ADGRV1: variants seen among roughly 807,000 people sequenced by gnomAD.
The protein encoded by ADGRV1 is G-protein coupled receptor 98.
A neutral mutation model predicts 596.2 loss-of-function variants in ADGRV1; 359 were observed. The ratio of observed to expected loss-of-function variants is 0.60; its 90% CI spans 0.55 to 0.66. ADGRV1 has a LOEUF of 0.66. ADGRV1 is among the 30% of genes least tolerant of loss of function. ADGRV1 has a pLI of 0.00. For synonymous variants in ADGRV1, 2,681 were observed against 2,679.2 expected, an observed-to-expected ratio of 1.00 and a Z score of -0.02; for missense variants, 7,274 against 7,575.6, an observed-to-expected ratio of 0.96 and a Z score of 1.48.
chr5:90,622,624 A>C lies in ADGRV1; in HGVS notation c.481A>C (p.Lys161Gln). 1 of 1,490,164 alleles carries C rather than the reference A, an allele frequency of 6.7e-7. No individual in the cohort carries two copies. The highest frequency in any genetic ancestry group is 8.9e-7 in the Non-Finnish European group (1 of 1,118,220). The allele number at this position is 1,490,164 out of a possible 1,614,324, so 92.3% of individuals were successfully genotyped here. A position where few individuals can be genotyped will look rare whatever the true frequency, so the allele number is the denominator to read the frequency against. Residue 161 changes from lysine (K) to glutamine (Q), a missense_variant, in exon 5 of 90, where the codon AAG (lysine) becomes CAG (glutamine). Physicochemically the swap from Lys to Gln is moderately conservative, Grantham distance 53. Coordinates refer to ENST00000405460, the MANE Select transcript of ADGRV1 (RefSeq NM_032119.4). ...MLPSIAVSEPKGRNESMPLTL... is the reference protein window; with the variant it reads ...MLPSIAVSEPQGRNESMPLTL... The stretch of plus-strand genomic sequence containing the variant: ...TCCCTCAATCGCAGTGAGTGAGCCC[A>C]AGGGCAGAAATGAGTCTATGCCTCT...
chr5:90,686,353 A>C (rs1745643838), intron 29 of ADGRV1, among the ~76,000 whole-genome samples: 1 of 152,042 alleles, frequency 6.6e-6, no homozygotes, highest in Admixed American at 6.6e-5. Flanking sequence ...TCCTAAAGCT[A>C]TCCCTCCCCG....
intron 21 of ADGRV1, among the ~76,000 whole-genome samples, chr5:90,667,611 G>C (rs6884466): frequency 0.72 from 107,367 of 148,456 alleles, 39,643 homozygotes; most frequent in African/African-American, 0.86. Flanking sequence ...TCTCTCAGCT[G>C]GTGAAAGTCA....
chr5:91,144,775 TATATTGTA>T, intron 87 of ADGRV1, among the ~76,000 whole-genome samples: 1 of 152,356 alleles, frequency 6.6e-6, no homozygotes, highest in African/African-American at 2.4e-5. Context: ...GTTAAGCTGT[TATATTGTA>T]AGGTATTGTT....
intron 84 of ADGRV1, among the ~76,000 whole-genome samples, chr5:90,975,499 C>T (rs186051068): frequency 3.0e-4 from 45 of 152,278 alleles, no homozygotes; most frequent in South Asian, 2.7e-3. Context: ...GGCACATATA[C>T]ACCATGGAAT....
intron 87 of ADGRV1, among the ~76,000 whole-genome samples, chr5:91,116,454 G>T (rs1161130838): frequency 1.3e-5 from 2 of 152,168 alleles, no homozygotes; most frequent in Non-Finnish European, 2.9e-5. Flanking sequence ...AACATTAACT[G>T]CCTTTCTCTT....
Position 90,705,489 on chromosome 5 carries a change from T to C in ADGRV1, c.8476T>C (p.Leu2826=), listed in dbSNP as rs1409588587. Residue 2826 remains leucine (L), a synonymous_variant, in exon 37 of 90, where the codon TTA becomes CTA. Coordinates refer to ENST00000405460, the MANE Select transcript of ADGRV1 (RefSeq NM_032119.4). ...AGCCAGTGATGAACCACATGGAGTT[T>C]TAAATTTTGCTCTTTCATCAAGATT... is the stretch of plus-strand genomic sequence containing the variant. ...VEASDEPHGV[L]NFALSSRFVL... is the part of the protein sequence containing the mutation. 6.2e-7 allele frequency: 1 copy of C among 1,613,932 alleles called. No individual in the cohort carries two copies. Among genetic ancestry groups the C allele is most frequent in the East Asian group, 2.2e-5 (1 of 44,872 alleles).
At chr5:91,095,747 G>A (rs1192522690) in intron 86 of ADGRV1, among the ~76,000 whole-genome samples, 1 of 151,802 alleles carries the variant, frequency 6.6e-6, no homozygotes, top group African/African-American at 2.4e-5. Context: ...AAAATAATGT[G>A]TGCCTACTGT....
intron 1 of ADGRV1, among the ~76,000 whole-genome samples, chr5:90,565,492 T>C (rs1755526550): frequency 1.3e-5 from 2 of 152,240 alleles, no homozygotes; most frequent in Non-Finnish European, 2.9e-5. Flanking sequence ...GATTCATCCA[T>C]GTTGTACCAT....
In ADGRV1 at chr5:90,621,874, A is replaced by G. The variant is rs1764123710; in HGVS notation, c.454-723A>G. Among the ~76,000 whole-genome samples the G allele has an allele frequency of 1.3e-5, 2 of 152,184 alleles. 1 individual carries two copies. The highest frequency in any genetic ancestry group is 1.3e-4 in the Admixed American group (2 of 15,266). On this transcript the variant is annotated intron_variant, in intron 4 of 89. Coordinates refer to ENST00000405460, the MANE Select transcript of ADGRV1 (RefSeq NM_032119.4). ...GCAACATTTACTGTGCCCTCAGTATATGTCAGGTACTAGGATAAGCACTTG... is the reference window on the plus strand; with the variant it reads ...GCAACATTTACTGTGCCCTCAGTATGTGTCAGGTACTAGGATAAGCACTTG...
At chr5:90,876,597 A>G (rs911096247) in intron 83 of ADGRV1, among the ~76,000 whole-genome samples, 2 of 152,166 alleles carry the variant, frequency 1.3e-5, no homozygotes, top group Non-Finnish European at 2.9e-5. Flanking sequence ...CACTTGAGCA[A>G]CCTTTCACTC....
At chr5:91,097,968 T>C (rs1470551731) in intron 86 of ADGRV1, among the ~76,000 whole-genome samples, 4 of 152,214 alleles carry the variant, frequency 2.6e-5, no homozygotes, top group East Asian at 1.9e-4. Context: ...CACAGTCTTA[T>C]ATAGATACTC....
chr5:91,104,046 G>A (rs993098100), intron 87 of ADGRV1, among the ~76,000 whole-genome samples: 2 of 152,172 alleles, frequency 1.3e-5, no homozygotes, highest in Non-Finnish European at 1.5e-5. Flanking sequence ...GGAAGCCATC[G>A]AAGTTGTGAT....
At chr5:91,061,716 T>C (rs944650048) in intron 85 of ADGRV1, among the ~76,000 whole-genome samples, 1 of 152,226 alleles carries the variant, frequency 6.6e-6, no homozygotes, top group African/African-American at 2.4e-5. Flanking sequence ...ATGAGCCCAA[T>C]TCTTGTTCCT....
intron 74 of ADGRV1, among the ~76,000 whole-genome samples, chr5:90,814,880 G>A (rs1463296197): frequency 3.3e-5 from 5 of 152,174 alleles, no homozygotes; most frequent in Admixed American, 3.3e-4. Flanking sequence ...AAAGCAGTCA[G>A]AACTATGCAG....
At chr5:91,088,965 CT>C (rs1440823361) in intron 86 of ADGRV1, among the ~76,000 whole-genome samples, 1 of 151,768 alleles carries the variant, frequency 6.6e-6, no homozygotes, top group African/African-American at 2.4e-5. Flanking sequence ...CAGGAATTGC[CT>C]TTTTTTTCTG....
Position 90,702,793 on chromosome 5 carries a change from G to A in ADGRV1, c.8156-872G>A, listed in dbSNP as rs545040229. Reference sequence around the variant, plus strand: ...ACTATATGTCTATGCTATACAGTTTGATTAAGGATGTCGTCTTCTAAATCT... The same window carrying A: ...ACTATATGTCTATGCTATACAGTTTAATTAAGGATGTCGTCTTCTAAATCT... On this transcript the variant is annotated intron_variant, in intron 34 of 89. Coordinates refer to ENST00000405460, the MANE Select transcript of ADGRV1 (RefSeq NM_032119.4). Among the ~76,000 whole-genome samples, 287 of 151,994 alleles carry A rather than the reference G, an allele frequency of 1.9e-3. 1 individual carries two copies. Among genetic ancestry groups the A allele is most frequent in the Admixed American group, 6.6e-3 (101 of 15,272 alleles).
At chr5:90,722,500 C>T (rs567016076) in intron 45 of ADGRV1, among the ~76,000 whole-genome samples, 7 of 151,006 alleles carry the variant, frequency 4.6e-5, no homozygotes, top group African/African-American at 1.7e-4. Context: ...CACCTGGGGT[C>T]GGGAGTTTCA....
intron 1 of ADGRV1, among the ~76,000 whole-genome samples, chr5:90,613,014 T>G (rs1762901117): frequency 1.3e-5 from 2 of 152,098 alleles, no homozygotes; most frequent in African/African-American, 4.8e-5. Context: ...ATTAGCATTT[T>G]AACAAATGCC....
intron 85 of ADGRV1, among the ~76,000 whole-genome samples, chr5:90,993,483 C>G (rs1224714121): frequency 1.3e-5 from 2 of 152,028 alleles, no homozygotes; most frequent in African/African-American, 2.4e-5. Flanking sequence ...GAGTACTGGT[C>G]AGTTATTTTA....
Sources: gnomAD v4.1 joint callset for allele counts (sites outside exome capture counted in the v4.1 genomes callset) on GRCh38, gnomAD v4.1.1 for gene constraint, MANE v1.5 for transcripts, NCBI Gene and HGNC (gene_info 2026-07-23, HGNC 2026-07-21) for gene names.